Variants in EIF4E observed in about 807,000 individuals in gnomAD.
EIF4E encodes the protein eIF-4F 25 kDa subunit.
For synonymous variants in EIF4E, 71 were observed against 88.5 expected, an observed-to-expected ratio of 0.80 and a Z score of 1.11; for missense variants, 113 against 265.6, an observed-to-expected ratio of 0.43 and a Z score of 3.99.
At chr4:98,897,933 G>A (rs1452263857) in intron 2 of EIF4E, among the ~76,000 whole-genome samples, 1 of 152,170 alleles carries the variant, frequency 6.6e-6, no homozygotes, top group Admixed American at 6.5e-5. Context: ...TTCCAAATAA[G>A]CAGTGTATGA....
intron 6 of EIF4E, among the ~76,000 whole-genome samples, chr4:98,881,696 CTAAACACTTTGAGGGAGAT>C (rs1374107556): frequency 6.6e-6 from 1 of 152,120 alleles, no homozygotes; most frequent in Admixed American, 6.6e-5. Flanking sequence ...CAAACAAAAA[CTAAACACTTTGAGGGAGAT>C]TAAACACTTC....
intron 6 of EIF4E, among the ~76,000 whole-genome samples, chr4:98,881,349 T>C (rs942542636): frequency 6.6e-6 from 1 of 152,086 alleles, no homozygotes; most frequent in African/African-American, 2.4e-5. Context: ...TTTAAAATAT[T>C]TGAGAGCGAG....
chr4:98,900,626 C>T (rs1052027235), intron 2 of EIF4E, among the ~76,000 whole-genome samples: 4 of 152,062 alleles, frequency 2.6e-5, no homozygotes, highest in African/African-American at 7.2e-5. Context: ...GAAGTTAATT[C>T]CAATTTACTT....
At chr4:98,902,851 A>C (rs893691501) in intron 1 of EIF4E, among the ~76,000 whole-genome samples, 2 of 151,718 alleles carry the variant, frequency 1.3e-5, no homozygotes, top group Non-Finnish European at 2.9e-5. Context: ...AAAACAAACA[A>C]AACAAAACAA....
intron 2 of EIF4E, among the ~76,000 whole-genome samples, chr4:98,896,066 C>T (rs899454073): frequency 3.3e-5 from 5 of 151,928 alleles, no homozygotes; most frequent in South Asian, 2.1e-4. Context: ...CGTGGTGGCA[C>T]GCGCCTGTAG....
intron 2 of EIF4E, among the ~76,000 whole-genome samples, chr4:98,894,929 C>T (rs1408865464): frequency 2.6e-5 from 4 of 152,146 alleles, no homozygotes; most frequent in African/African-American, 9.7e-5. Flanking sequence ...CATGTAGAGG[C>T]CACTGTAGGG....
At chr4:98,917,157 G>A (rs1725426707) in intron 1 of EIF4E, among the ~76,000 whole-genome samples, 1 of 147,960 alleles carries the variant, frequency 6.8e-6, no homozygotes, top group African/African-American at 2.5e-5. Flanking sequence ...ATGCTCAAGT[G>A]TCCAGCCCAG....
chr4:98,910,613 T>A (rs1427406135), intron 1 of EIF4E, among the ~76,000 whole-genome samples: 1 of 152,194 alleles, frequency 6.6e-6, no homozygotes, highest in Non-Finnish European at 1.5e-5. Flanking sequence ...AGCTAAATAT[T>A]TACATTTCTG....
chr4:98,907,713 A>G (rs1724934014), intron 1 of EIF4E, among the ~76,000 whole-genome samples: 2 of 152,216 alleles, frequency 1.3e-5, no homozygotes, highest in African/African-American at 4.8e-5. Context: ...AAGTCTTAAG[A>G]TGAGTATGAT....
In EIF4E at chr4:98,880,881, A is replaced by T; in HGVS notation, c.*147T>A. 1 of 1,436,590 alleles carries T rather than the reference A, an allele frequency of 7.0e-7. No individual in the cohort carries two copies. The highest frequency in any genetic ancestry group is 9.2e-7 in the Non-Finnish European group (1 of 1,083,104). The allele number at this position is 1,436,590 out of a possible 1,614,324, so 89.0% of individuals were successfully genotyped here. The stretch of plus-strand genomic sequence containing the variant: ...ACACAGAAGTACAAGACAAAGGCGA[A>T]TGAGACTTCTCTTATATCTGAGTAA... On this transcript the variant is annotated 3_prime_UTR_variant, in exon 7 of 7. Coordinates refer to ENST00000450253, the MANE Select transcript of EIF4E (RefSeq NM_001968.5).
chr4:98,882,219 C>T (rs111424894), intron 6 of EIF4E, among the ~76,000 whole-genome samples: 8 of 151,826 alleles, frequency 5.3e-5, no homozygotes, highest in Admixed American at 2.0e-4. Context: ...GGTGAAACCC[C>T]GCCTCTACTA....
chr4:98,922,850 C>CTT lies in EIF4E; in HGVS notation c.18+6243_18+6244dup, dbSNP rs112293850. On this transcript the variant is annotated intron_variant, in intron 1 of 6. Coordinates refer to ENST00000450253, the MANE Select transcript of EIF4E (RefSeq NM_001968.5). ...TTCATTTTCCTGTTTTTTCTTTTTT[C>CTT]TTTTTTTTTTTTTTTGAGAAGGAGT... is the stretch of plus-strand genomic sequence containing the variant. Among the ~76,000 whole-genome samples, 138 of 136,682 alleles carry CTT rather than the reference C, an allele frequency of 1.0e-3. 1 individual carries two copies. Among genetic ancestry groups the CTT allele is most frequent in the African/African-American group, 1.7e-3 (62 of 37,194 alleles). The allele number at this position is 136,682 out of a possible 152,430, so 89.7% of individuals were successfully genotyped here. A position where few individuals can be genotyped will look rare whatever the true frequency, so the allele number is the denominator to read the frequency against.
intron 2 of EIF4E, among the ~76,000 whole-genome samples, chr4:98,898,492 C>T (rs12507214): frequency 0.085 from 12,847 of 151,410 alleles, 1,209 homozygotes; most frequent in East Asian, 0.49. Context: ...CCTGTGGTTC[C>T]GGCTACTAGG....
At chr4:98,916,578 G>A (rs78055677) in intron 1 of EIF4E, among the ~76,000 whole-genome samples, 2,754 of 152,182 alleles carry the variant, frequency 0.018, 75 homozygotes, top group African/African-American at 0.062. Flanking sequence ...TGTGAAATAA[G>A]GACAAGAAAA....
intron 2 of EIF4E, among the ~76,000 whole-genome samples, chr4:98,896,919 C>G (rs1345185176): frequency 3.9e-5 from 6 of 152,074 alleles, no homozygotes; most frequent in Non-Finnish European, 5.9e-5. Flanking sequence ...GATTACACGC[C>G]ACCCCAGCCT....
intron 3 of EIF4E, among the ~76,000 whole-genome samples, chr4:98,888,438 C>T (rs4699689): frequency 0.19 from 29,303 of 152,050 alleles, 3,688 homozygotes; most frequent in Non-Finnish European, 0.28. Flanking sequence ...AATAGATCAA[C>T]GGTTCCCAAA....
intron 1 of EIF4E, among the ~76,000 whole-genome samples, chr4:98,905,591 A>C (rs945139154): frequency 3.3e-5 from 5 of 152,212 alleles, no homozygotes; most frequent in Admixed American, 3.3e-4. Flanking sequence ...GGGGCAATGA[A>C]AGCCATTAAC....
intron 1 of EIF4E, among the ~76,000 whole-genome samples, chr4:98,912,534 C>A (rs1320065249): frequency 6.6e-6 from 1 of 151,744 alleles, no homozygotes; most frequent in East Asian, 1.9e-4. Context: ...TGAGATCGCA[C>A]CACTGCACTC....
At chr4:98,895,393 T>C (rs1415209406) in intron 2 of EIF4E, 1 of 152,234 alleles carries the variant, frequency 6.6e-6, no homozygotes, top group Non-Finnish European at 1.5e-5. Context: ...AATGTTATTA[T>C]CCCAAGATGA....
Sources: allele counts gnomAD v4.1 joint callset (sites outside exome capture counted in the v4.1 genomes callset), GRCh38; gene constraint gnomAD v4.1.1; transcripts MANE v1.5; gene names NCBI Gene and HGNC (gene_info 2026-07-23, HGNC 2026-07-21).